Variants in INSL6 observed in about 807,000 individuals in gnomAD.
INSL6 encodes the protein insulin-like peptide INSL6.
A neutral mutation model predicts 9.4 loss-of-function variants in INSL6; 16 were observed. The observed-to-expected ratio is 1.70, with a 90% CI of 1.15 to 2.59. The LOEUF is 2.59. INSL6 is among the 30% of genes most tolerant of loss of function. The pLI is 0.00. For missense variants in INSL6, 391 were observed against 257.3 expected, an observed-to-expected ratio of 1.52 and a Z score of -3.56; for synonymous variants, 154 against 96.9, an observed-to-expected ratio of 1.59 and a Z score of -3.46.
At position 5,133,580 on chromosome 9, in the gene INSL6, AACTCCAGCAG is replaced by A. The variant is rs1824331739; in HGVS notation, c.379_388del (p.Phe130AlafsTer37). 1 of 152,920 alleles carries A rather than the reference AACTCCAGCAG, an allele frequency of 6.5e-6. No individual in the cohort carries two copies. Among genetic ancestry groups the A allele is most frequent in the Non-Finnish European group, 1.5e-5 (1 of 68,864 alleles). The allele number at this position is 152,920 out of a possible 1,614,324, so 9.5% of individuals were successfully genotyped here. On this transcript the variant is annotated frameshift_variant and splice_region_variant, in exon 3 of 4. Transcript: ENST00000649639. LOFTEE classifies it high-confidence loss of function. ...CAGCATCTGGAGTGGGCCTCCAGCA[AACTCCAGCAG>A]ACCTGCAGCACAGGGGCCCGACTGT...
the INSL6 span, chr9:5,040,960 A>G: frequency 2.2e-5 from 12 of 535,228 alleles, no homozygotes; most frequent in African/African-American, 1.9e-4. Context: ...GAATCTCTAT[A>G]CAAACAAATA....
the INSL6 span, among the ~76,000 whole-genome samples, chr9:5,064,723 C>A: frequency 2.6e-5 from 4 of 152,044 alleles, no homozygotes; most frequent in South Asian, 8.3e-4. Context: ...TCTTAAATAT[C>A]AGACATGAGA....
chr9:5,089,945 G>A, the INSL6 span: 11 of 951,450 alleles, frequency 1.2e-5, no homozygotes, highest in East Asian at 3.1e-5. Flanking sequence ...ATGTCTTAAC[G>A]ATCTGGACTT....
At chr9:5,089,469 C>A in the INSL6 span, among the ~76,000 whole-genome samples, 3 of 124,556 alleles carry the variant, frequency 2.4e-5, no homozygotes, top group Non-Finnish European at 4.7e-5. Context: ...ACCCAGGGGG[C>A]GGAGCTTGCA....
chr9:5,096,501 G>A, the INSL6 span, among the ~76,000 whole-genome samples: 1 of 152,156 alleles, frequency 6.6e-6, no homozygotes, highest in Non-Finnish European at 1.5e-5. Context: ...TCCATGTGGG[G>A]GGAGGGTGGT....
At chr9:5,081,673 C>G in the INSL6 span, 1 of 1,348,612 alleles carries the variant, frequency 7.4e-7, no homozygotes, top group Non-Finnish European at 1.1e-6. Context: ...TCAGTTTAGT[C>G]CAGAGAATGT....
intron 2 of INSL6, among the ~76,000 whole-genome samples, chr9:5,144,685 A>G (rs1437240705): frequency 6.6e-6 from 1 of 152,224 alleles, no homozygotes; most frequent in Non-Finnish European, 1.5e-5. Flanking sequence ...TATTTAGGAT[A>G]GTTCCATTTT....
chr9:4,998,882 G>C, the INSL6 span, among the ~76,000 whole-genome samples: 40 of 152,128 alleles, frequency 2.6e-4, no homozygotes, highest in African/African-American at 9.6e-4. Context: ...CCAGGCTGTA[G>C]TGCAGTGGTG....
At chr9:5,165,626 C>T (rs1825034361) in intron 1 of INSL6, among the ~76,000 whole-genome samples, 1 of 152,056 alleles carries the variant, frequency 6.6e-6, no homozygotes, top group South Asian at 2.1e-4. Flanking sequence ...TCTTCTTATG[C>T]ACATCTTACA....
intron 2 of INSL6, among the ~76,000 whole-genome samples, chr9:5,139,201 T>C (rs745788410): frequency 1.3e-5 from 2 of 152,172 alleles, no homozygotes; most frequent in Non-Finnish European, 2.9e-5. Context: ...TTAAAAGAAT[T>C]GGAGGCATTC....
chr9:5,183,297 C>T (rs1212707307), intron 1 of INSL6, among the ~76,000 whole-genome samples: 2 of 152,194 alleles, frequency 1.3e-5, no homozygotes, highest in Admixed American at 1.3e-4. Flanking sequence ...TTCAATACAA[C>T]TGTGGTTTTA....
chr9:4,999,114 C>T, the INSL6 span, among the ~76,000 whole-genome samples: 2 of 152,146 alleles, frequency 1.3e-5, no homozygotes, highest in Admixed American at 6.5e-5. Flanking sequence ...CGTGAGCCAC[C>T]GCACCCGGGC....
intron 2 of INSL6, among the ~76,000 whole-genome samples, chr9:5,134,277 T>A (rs569838469): frequency 6.6e-6 from 1 of 152,268 alleles, no homozygotes; most frequent in Admixed American, 6.5e-5. Context: ...TTCAGGATAT[T>A]ATCCACGAGA....
At chr9:5,022,846 A>C in the INSL6 span, among the ~76,000 whole-genome samples, 2 of 152,236 alleles carry the variant, frequency 1.3e-5, no homozygotes, top group Non-Finnish European at 2.9e-5. Flanking sequence ...TTTTAATAGA[A>C]AGACTAGTTG....
the INSL6 span, among the ~76,000 whole-genome samples, chr9:5,062,162 A>G: frequency 3.3e-5 from 5 of 152,248 alleles, no homozygotes; most frequent in African/African-American, 1.2e-4. Context: ...GATGGAAAAT[A>G]TAGTATTCAC....
the INSL6 span, among the ~76,000 whole-genome samples, chr9:5,037,128 A>G: frequency 6.6e-6 from 1 of 152,368 alleles, no homozygotes; most frequent in Admixed American, 6.5e-5. Flanking sequence ...ACTGGCCATC[A>G]GAGAAATGCA....
chr9:5,157,955 CAG>C (rs1252250386), intron 2 of INSL6, among the ~76,000 whole-genome samples: 1 of 151,956 alleles, frequency 6.6e-6, no homozygotes, highest in African/African-American at 2.4e-5. Flanking sequence ...AAAAATAAAA[CAG>C]AAAAGAAATT....
the INSL6 span, among the ~76,000 whole-genome samples, chr9:5,036,306 G>C: frequency 6.6e-6 from 1 of 152,202 alleles, no homozygotes; most frequent in Non-Finnish European, 1.5e-5. Flanking sequence ...ACTGCCCAAA[G>C]TCCTTTATGG....
At chr9:5,028,050 G>A in the INSL6 span, among the ~76,000 whole-genome samples, 2 of 152,292 alleles carry the variant, frequency 1.3e-5, no homozygotes, top group Admixed American at 1.3e-4. Context: ...CTAGAATGGT[G>A]AACTCTTTCC....
Sources: allele counts gnomAD v4.1 joint callset (sites outside exome capture counted in the v4.1 genomes callset), GRCh38; gene constraint gnomAD v4.1.1; transcripts MANE v1.5; gene names NCBI Gene and HGNC (gene_info 2026-07-23, HGNC 2026-07-21).